SAMD4A: variants seen among roughly 807,000 people sequenced by gnomAD.
SAMD4A encodes sterile alpha motif domain containing 4A, also known as protein Smaug homolog 1.
A neutral mutation model predicts 81.3 loss-of-function variants in SAMD4A; 33 were observed. The ratio of observed to expected loss-of-function variants is 0.41; its 90% CI spans 0.31 to 0.54. The LOEUF is 0.54. Ranked by LOEUF, SAMD4A falls within the 20% of genes least tolerant of loss-of-function variation. The probability of loss-of-function intolerance (pLI) is 0.37; values close to 1 mark genes in which losing one functional copy is unlikely to be tolerated. For synonymous variants in SAMD4A, 389 were observed against 382.1 expected (o/e 1.02, Z -0.21); for missense variants, 854 against 951.1 (o/e 0.90, Z 1.34).
intron 11 of SAMD4A, among the ~76,000 whole-genome samples, chr14:54,781,887 C>T (rs1301247455): frequency 6.6e-6 from 1 of 152,240 alleles, no homozygotes; most frequent in African/African-American, 2.4e-5. Flanking sequence ...TGGCATGGAT[C>T]TGTTTTTATC....
chr14:54,735,365 G>A (rs1227557942), intron 3 of SAMD4A, among the ~76,000 whole-genome samples: 2 of 152,078 alleles, frequency 1.3e-5, no homozygotes, highest in Non-Finnish European at 2.9e-5. Context: ...TGTTAGTGTC[G>A]ATATTTTTTA....
intron 2 of SAMD4A, among the ~76,000 whole-genome samples, chr14:54,594,420 C>CA (rs11392875): frequency 0.49 from 70,934 of 145,532 alleles, 17,093 homozygotes; most frequent in African/African-American, 0.59. Context: ...GAGACTGTCT[C>CA]AAAAAAAAAA....
At chr14:54,756,266 A>T (rs2038235917) in intron 6 of SAMD4A, among the ~76,000 whole-genome samples, 1 of 152,182 alleles carries the variant, frequency 6.6e-6, no homozygotes. Context: ...AAGAAAAAGA[A>T]ACTCGAGTGA....
intron 11 of SAMD4A, among the ~76,000 whole-genome samples, chr14:54,778,994 C>T (rs2038931670): frequency 6.6e-6 from 1 of 151,722 alleles, no homozygotes; most frequent in Admixed American, 6.5e-5. Flanking sequence ...TCCTTCCTCC[C>T]AAGGAGGCAG....
At chr14:54,633,553 A>C (rs2034955648) in intron 2 of SAMD4A, among the ~76,000 whole-genome samples, 1 of 152,088 alleles carries the variant, frequency 6.6e-6, no homozygotes, top group Admixed American at 6.6e-5. Flanking sequence ...CATGCCAGTC[A>C]GCCATGTCAG....
At chr14:54,636,447 G>A (rs149986104) in intron 2 of SAMD4A, among the ~76,000 whole-genome samples, 281 of 152,226 alleles carry the variant, frequency 1.8e-3, no homozygotes, top group Non-Finnish European at 3.3e-3. Flanking sequence ...TGGAGACATC[G>A]CAGGTTTTGA....
At chr14:54,785,784 CA>C (rs1415153760) in intron 12 of SAMD4A, among the ~76,000 whole-genome samples, 30 of 152,380 alleles carry the variant, frequency 2.0e-4, no homozygotes, top group Middle Eastern at 6.8e-3. Context: ...CTGCATGGAG[CA>C]GAGTGGTGGG....
chr14:54,575,970 G>T (rs1351378115), intron 2 of SAMD4A, among the ~76,000 whole-genome samples: 1 of 145,878 alleles, frequency 6.9e-6, no homozygotes, highest in Non-Finnish European at 1.5e-5. Context: ...TATGGAAAAT[G>T]AGGCTCCAGG....
intron 11 of SAMD4A, among the ~76,000 whole-genome samples, chr14:54,783,872 A>G (rs1230455373): frequency 6.6e-6 from 1 of 152,216 alleles, no homozygotes; most frequent in Non-Finnish European, 1.5e-5. Flanking sequence ...CTCTAGGCAC[A>G]GGGGGCAGAG....
intron 4 of SAMD4A, among the ~76,000 whole-genome samples, chr14:54,740,046 T>G (rs1313034070): frequency 2.0e-5 from 3 of 152,192 alleles, no homozygotes. Context: ...GGCACGCAGC[T>G]GTAATCTCAG....
chr14:54,741,764 T>A (rs2037849226), intron 4 of SAMD4A, among the ~76,000 whole-genome samples: 1 of 152,182 alleles, frequency 6.6e-6, no homozygotes, highest in Non-Finnish European at 1.5e-5. Context: ...TCTCAGAGCA[T>A]GACTACAGGT....
rs200647025 is a variant in SAMD4A, at chr14:54,770,095, T to G, written c.1597-9T>G. 1 of 1,590,244 alleles carries G rather than the reference T, an allele frequency of 6.3e-7. No homozygotes were observed. The highest frequency in any genetic ancestry group is 2.2e-5 in the East Asian group (1 of 44,782). On this transcript the variant is annotated splice_polypyrimidine_tract_variant and intron_variant, in intron 8 of 12. Transcript: ENST00000554335. The stretch of plus-strand genomic sequence containing the variant: ...GTCACCCATTTAAAAGTCCTGTTTG[T>G]TTTTGCAGGCATTTACAGAGACACA...
At chr14:54,611,028 G>A (rs2034338594) in intron 2 of SAMD4A, among the ~76,000 whole-genome samples, 1 of 152,030 alleles carries the variant, frequency 6.6e-6, no homozygotes, top group Non-Finnish European at 1.5e-5. Flanking sequence ...TTTAATTTGT[G>A]CATTAAAAAT....
intron 2 of SAMD4A, 38 bp from the exon 3 acceptor site, chr14:54,702,024 T>A (rs746353234): frequency 6.3e-7 from 1 of 1,597,670 alleles, no homozygotes; most frequent in South Asian, 1.1e-5. Context: ...TCACTGTGGG[T>A]GTATTTGCTT....
intron 9 of SAMD4A, among the ~76,000 whole-genome samples, chr14:54,772,081 G>C (rs1345498545): frequency 6.6e-6 from 1 of 152,136 alleles, no homozygotes; most frequent in Non-Finnish European, 1.5e-5. Context: ...TTTCCTCTGG[G>C]ATCTTTTTGT....
chr14:54,668,564 T>C (rs535711923), intron 2 of SAMD4A, among the ~76,000 whole-genome samples: 1 of 152,256 alleles, frequency 6.6e-6, no homozygotes, highest in African/African-American at 2.4e-5. Context: ...TTTCTATCTC[T>C]GTCCTTACTT....
At chr14:54,627,407 C>G (rs1294789607) in intron 2 of SAMD4A, among the ~76,000 whole-genome samples, 2 of 152,210 alleles carry the variant, frequency 1.3e-5, no homozygotes, top group Non-Finnish European at 2.9e-5. Context: ...CCTACCAGAA[C>G]GTTCTTTAGC....
chr14:54,763,217 T>TA (rs11397346), intron 7 of SAMD4A, among the ~76,000 whole-genome samples: 59,894 of 149,614 alleles, frequency 0.4, 13,834 homozygotes, highest in African/African-American at 0.64. Flanking sequence ...CTGGTGGGTT[T>TA]AAAAAAAAAT....
Position 54,770,084 on chromosome 14 carries a change from A to T in SAMD4A, c.1597-20A>T. ...TGCCAGGCTGCGTCACCCATTTAAA[A>T]GTCCTGTTTGTTTTTGCAGGCATTT... On this transcript the variant is annotated intron_variant, in intron 8 of 12. Coordinates refer to ENST00000554335, the MANE Select transcript of SAMD4A (RefSeq NM_015589.6). 3.3e-6 allele frequency: 5 copies of T among 1,517,878 alleles called. No individual in the cohort carries two copies. Among genetic ancestry groups the T allele is most frequent in the Non-Finnish European group, 4.6e-6 (5 of 1,093,150 alleles). The allele number at this position is 1,517,878 out of a possible 1,614,324, so 94.0% of individuals were successfully genotyped here.
Sources: allele counts gnomAD v4.1 joint callset (sites outside exome capture counted in the v4.1 genomes callset), GRCh38; gene constraint gnomAD v4.1.1; transcripts MANE v1.5; gene names NCBI Gene and HGNC (gene_info 2026-07-23, HGNC 2026-07-21).